Variants in DYNC1H1 observed in about 807,000 individuals in gnomAD.
DYNC1H1 encodes dynein cytoplasmic 1 heavy chain 1, also known as cytoplasmic dynein 1 heavy chain 1.
In DYNC1H1, 51 loss-of-function variants were observed where a neutral mutation model predicts 527.1. That is an observed-to-expected ratio of 0.10 (90% CI 0.08 to 0.12). The LOEUF (loss-of-function observed/expected upper bound fraction) is 0.12, where lower values mean the gene tolerates loss of function less well. Ranked by LOEUF, DYNC1H1 falls within the 10% of genes least tolerant of loss-of-function variation. The pLI, the probability that DYNC1H1 is intolerant of heterozygous loss-of-function variation, is 1.00. For missense variants in DYNC1H1, 2,771 were observed against 5,971.8 expected (o/e 0.46, Z 17.66); for synonymous variants, 2,189 against 2,278.8 (o/e 0.96, Z 1.12).
rs1479936463 is a variant in DYNC1H1 at position 102,015,087 on chromosome 14, T to C, written c.7015-18T>C. 2 of 1,613,818 alleles carry C rather than the reference T, an allele frequency of 1.2e-6. No individual in the cohort carries two copies. Among genetic ancestry groups the C allele is most frequent in the East Asian group, 2.2e-5 (1 of 44,902 alleles). ...TCCAAACCTATGTCATTAAATCTGCTTAATGTTTTCTTTCAAGGTGAGAAT... is the reference window on the plus strand; with the variant it reads ...TCCAAACCTATGTCATTAAATCTGCCTAATGTTTTCTTTCAAGGTGAGAAT... On this transcript the variant is annotated intron_variant, in intron 34 of 77. Transcript: ENST00000360184. The surrounding 1 kb of genome is among the most constrained non-coding windows in gnomAD (Gnocchi z 6.9).
chr14:102,023,321 C>T (rs191124057), intron 43 of DYNC1H1: 29 of 325,756 alleles, frequency 8.9e-5, no homozygotes, highest in Middle Eastern at 1.1e-3. Context: ...GAGGCTGAGG[C>T]GGTGGATCAC....
At chr14:101,973,133 A>C (rs2047758919) in intron 1 of DYNC1H1, among the ~76,000 whole-genome samples, 1 of 151,976 alleles carries the variant, frequency 6.6e-6, no homozygotes, top group Non-Finnish European at 1.5e-5. Flanking sequence ...CCTCTTCCTA[A>C]AATTATATCC....
rs140263743 is a variant in DYNC1H1, at chr14:102,003,505, G to A, written c.4883+540G>A. On this transcript the variant is annotated intron_variant, in intron 23 of 77. Coordinates refer to ENST00000360184, the MANE Select transcript of DYNC1H1 (RefSeq NM_001376.5). ...TAGAACTTCTGACCTTAGGTGAGCC[G>A]CTCACCTAAGTCACCTAAGTGCTAG... Among the ~76,000 whole-genome samples, 272 of 152,066 alleles carry A rather than the reference G, an allele frequency of 1.8e-3. 1 individual carries two copies. Among genetic ancestry groups the A allele is most frequent in the African/African-American group, 6.1e-3 (251 of 41,484 alleles).
intron 2 of DYNC1H1, among the ~76,000 whole-genome samples, chr14:101,976,724 A>T (rs1274733527): frequency 6.6e-6 from 1 of 152,146 alleles, no homozygotes; most frequent in Middle Eastern, 3.2e-3. Context: ...AATATATGTA[A>T]CATGTCTGAT....
At position 102,006,028 on chromosome 14, in the gene DYNC1H1, A is replaced by G; in HGVS notation, c.5574A>G (p.Ser1858=). The G allele has an allele frequency of 6.2e-7, 1 of 1,614,222 alleles. No homozygotes were observed. Among genetic ancestry groups the G allele is most frequent in the Non-Finnish European group, 8.5e-7 (1 of 1,180,038 alleles). Residue 1858 remains serine (S), a synonymous_variant, in exon 27 of 78, where the codon TCA becomes TCG. Coordinates refer to ENST00000360184, the MANE Select transcript of DYNC1H1 (RefSeq NM_001376.5). ...AAACTGATGTGTTACAGCAGTTGTC[A>G]ATTCAAATGGCAAATGCCAAATTTA... ...PKQTDVLQQL[S]IQMANAKFNY...
intron 8 of DYNC1H1, among the ~76,000 whole-genome samples, chr14:101,987,042 A>G (rs2047945413): frequency 6.6e-6 from 1 of 152,268 alleles, no homozygotes; most frequent in South Asian, 2.1e-4. Flanking sequence ...TATTGCTGCT[A>G]CAGCTGAAAG....
At chr14:101,980,027 T>G (rs1023362320) in intron 4 of DYNC1H1, 53 bp downstream of exon 4, 1 of 1,612,284 alleles carries the variant, frequency 6.2e-7, no homozygotes, top group Non-Finnish European at 8.5e-7. Context: ...TTAATATCTT[T>G]GGGAAAACTG....
chr14:101,964,687 A>G lies in DYNC1H1; in HGVS notation c.-5A>G, dbSNP rs17511858. On this transcript the variant is annotated 5_prime_UTR_variant, in exon 1 of 78. Transcript: ENST00000360184. This position sits in a 1 kb window ranked among gnomAD's most constrained non-coding sequence, Gnocchi z 5.5. Reference sequence around the variant, plus strand: ...TCGCTCCTGGAAGGTCCCGAGCGCGACACCATGTCGGAGCCCGGGGGCGGC... The same window carrying G: ...TCGCTCCTGGAAGGTCCCGAGCGCGGCACCATGTCGGAGCCCGGGGGCGGC... The G allele has an allele frequency of 3.8e-3, 5,960 of 1,586,710 alleles. 129 individuals are homozygous for G. The Admixed American group carries it at 0.041, about 11-fold the overall frequency.
intron 77 of DYNC1H1, 110 bp from the exon 78 acceptor site, chr14:102,050,325 T>C: frequency 2.5e-6 from 4 of 1,610,962 alleles, no homozygotes; most frequent in Non-Finnish European, 3.4e-6. Context: ...GGAAATCCAT[T>C]TCGCACCTGT....
chr14:102,019,472 G>C (rs2048361161), intron 41 of DYNC1H1, among the ~76,000 whole-genome samples: 1 of 152,178 alleles, frequency 6.6e-6, no homozygotes, highest in Non-Finnish European at 1.5e-5. Context: ...TTGCTTTTAA[G>C]TATTTTCAGA....
Position 102,042,367 on chromosome 14 carries a change from T to C in DYNC1H1, c.12276-17T>C, listed in dbSNP as rs758737122. The C allele has an allele frequency of 1.2e-5, 20 of 1,614,084 alleles. No homozygotes were observed. In the Admixed American group the frequency reaches 1.3e-4, roughly 11 times the overall value. ...GGCAGCCTGGCATGCTGTGTGACTC[T>C]CACTTTGTGTGTGCAGGTGGGTGAT... On this transcript the variant is annotated splice_polypyrimidine_tract_variant and intron_variant, in intron 67 of 77. Transcript: ENST00000360184. This position sits in a 1 kb window ranked among gnomAD's most constrained non-coding sequence, Gnocchi z 5.7.
chr14:101,974,834 C>T (rs962702883), intron 1 of DYNC1H1, among the ~76,000 whole-genome samples: 1 of 152,166 alleles, frequency 6.6e-6, no homozygotes, highest in Non-Finnish European at 1.5e-5. Context: ...GCCCGGCCTC[C>T]GTAAGCTTTT....
chr14:102,041,879 T>C lies in DYNC1H1; in HGVS notation c.12103-134T>C. On this transcript the variant is annotated intron_variant, in intron 65 of 77. Coordinates refer to ENST00000360184, the MANE Select transcript of DYNC1H1 (RefSeq NM_001376.5). The surrounding 1 kb of genome is among the most constrained non-coding windows in gnomAD (Gnocchi z 4.5). ...GAACTCGCTGCAGATTCTCAACTCC[T>C]GGCTGCATGGTGCCCACACCTCTGG... 2 of 1,500,370 alleles carry C rather than the reference T, an allele frequency of 1.3e-6. No homozygotes were observed. Among genetic ancestry groups the C allele is most frequent in the South Asian group, 2.3e-5 (2 of 85,488 alleles). 92.9% of individuals were successfully genotyped at this position (1,500,370 alleles called of 1,614,324 possible). A position where few individuals can be genotyped will look rare whatever the true frequency, so the allele number is the denominator to read the frequency against.
chr14:102,002,734 C>T lies in DYNC1H1; in HGVS notation c.4709+31C>T, dbSNP rs1172761838. The T allele has an allele frequency of 2.5e-6, 4 of 1,614,226 alleles. No homozygotes were observed. Among genetic ancestry groups the T allele is most frequent in the Non-Finnish European group, 3.4e-6 (4 of 1,180,046 alleles). On this transcript the variant is annotated intron_variant, in intron 22 of 77. Transcript: ENST00000360184. This position sits in a 1 kb window ranked among gnomAD's most constrained non-coding sequence, Gnocchi z 4.4. ...GCCTCCAGCCAGAGAGCCAAATTTG[C>T]CAGCGGCTAGTGACTACTCTACACA... is the stretch of plus-strand genomic sequence containing the variant.
intron 5 of DYNC1H1, among the ~76,000 whole-genome samples, chr14:101,982,767 A>G (rs995263709): frequency 1.3e-5 from 2 of 151,416 alleles, no homozygotes; most frequent in African/African-American, 2.4e-5. Flanking sequence ...AAAGCAAAGC[A>G]TGGTAAATTC....
In DYNC1H1 at chr14:102,016,981, G is replaced by A. The variant is rs759376664; in HGVS notation, c.7830G>A (p.Arg2610=). The A allele has an allele frequency of 1.6e-5, 26 of 1,614,226 alleles. No homozygotes were observed. In the South Asian group the frequency reaches 2.7e-4, roughly 17 times the overall value. The change falls in exon 38 of 78, where the codon CGG becomes CGA. Residue 2610 remains arginine, a synonymous_variant. Coordinates refer to ENST00000360184, the MANE Select transcript of DYNC1H1 (RefSeq NM_001376.5). The surrounding 1 kb of genome is among the most constrained non-coding windows in gnomAD (Gnocchi z 7.3). ...GKTMTLFSAL[R]ALPDMEVVGL... is the part of the protein sequence containing the mutation. ...CCATGACACTCTTCAGCGCCCTCCGGGCCTTGCCTGACATGGAGGTAAAGA... is the reference window on the plus strand; with the variant it reads ...CCATGACACTCTTCAGCGCCCTCCGAGCCTTGCCTGACATGGAGGTAAAGA...
At chr14:102,007,166 AAT>A (rs1231374752) in intron 28 of DYNC1H1, 58 bp downstream of exon 28, 1 of 1,570,092 alleles carries the variant, frequency 6.4e-7, no homozygotes, top group Non-Finnish European at 8.8e-7. Flanking sequence ...TCATTTGGGG[AAT>A]ATCAAGCTCC....
At chr14:102,019,354 G>A (rs929805289) in intron 41 of DYNC1H1, among the ~76,000 whole-genome samples, 2 of 152,204 alleles carry the variant, frequency 1.3e-5, no homozygotes, top group Admixed American at 6.5e-5. Flanking sequence ...CGCTGGCTGC[G>A]GGGGATGAGT....
At position 101,986,659 on chromosome 14, in the gene DYNC1H1, G is replaced by T; in HGVS notation, c.2434G>T (p.Val812Leu). 6.2e-7 allele frequency: 1 copy of T among 1,613,870 alleles called. No homozygotes were observed. Among genetic ancestry groups the T allele is most frequent in the Non-Finnish European group, 8.5e-7 (1 of 1,179,738 alleles). ...TTTGGTGGCTGGCTTGAAAAAGGAA[G>T]TGCAGGCCCTGATCGCAGAAGGCAT... ...SLLVAGLKKE[V>L]QALIAEGIAL... The change falls in exon 8 of 78, where the codon GTG becomes TTG. Residue 812 changes from valine to leucine, a missense_variant. By Grantham distance (32) the Val-to-Leu change is conservative (BLOSUM62 1). Transcript: ENST00000360184. The surrounding 1 kb of genome is among the most constrained non-coding windows in gnomAD (Gnocchi z 8.7).
Sources: allele counts gnomAD v4.1 joint callset (sites outside exome capture counted in the v4.1 genomes callset), GRCh38; gene constraint gnomAD v4.1.1; non-coding constraint Gnocchi (gnomAD v3.1); transcripts MANE v1.5; gene names NCBI Gene and HGNC (gene_info 2026-07-23, HGNC 2026-07-21).